Variants in DCC observed in about 807,000 individuals in gnomAD.
DCC encodes netrin receptor DCC.
Under a neutral mutation model 172.5 loss-of-function variants are expected in DCC, and 58 were observed. That is an observed-to-expected ratio of 0.34 (90% CI 0.27 to 0.42). The LOEUF (loss-of-function observed/expected upper bound fraction) is 0.42. Among genes scored for constraint, DCC ranks in the 10% least tolerant of loss-of-function variants. The pLI, the probability that DCC is intolerant of heterozygous loss-of-function variation, is 1.00. For missense variants in DCC, 1,740 were observed against 1,791.0 expected, an observed-to-expected ratio of 0.97 and a Z score of 0.51; for synonymous variants, 709 against 644.5, an observed-to-expected ratio of 1.10 and a Z score of -1.52.
intron 1 of DCC, among the ~76,000 whole-genome samples, chr18:52,469,559 A>G (rs1356714455): frequency 6.6e-6 from 1 of 152,210 alleles, no homozygotes; most frequent in Non-Finnish European, 1.5e-5. Flanking sequence ...AAAAAGAAAT[A>G]CAGTCTAATA....
intron 23 of DCC, among the ~76,000 whole-genome samples, chr18:53,452,477 G>C (rs2045426229): frequency 6.6e-6 from 1 of 152,122 alleles, no homozygotes; most frequent in African/African-American, 2.4e-5. Context: ...TCTCCACAGA[G>C]AGAACACCAG....
chr18:53,265,025 G>T (rs551465808), intron 12 of DCC, among the ~76,000 whole-genome samples: 7 of 152,256 alleles, frequency 4.6e-5, no homozygotes, highest in Admixed American at 1.3e-4. Flanking sequence ...CCCAGTATGT[G>T]CCCAGAAGTG....
At chr18:52,771,871 GA>G (rs55924643) in intron 2 of DCC, among the ~76,000 whole-genome samples, 1 of 130,970 alleles carries the variant, frequency 7.6e-6, no homozygotes, top group South Asian at 2.4e-4. Context: ...AGAAACTTGT[GA>G]AAAAAAAAAA....
At chr18:53,511,550 G>C (rs573241888) in intron 27 of DCC, among the ~76,000 whole-genome samples, 5 of 152,218 alleles carry the variant, frequency 3.3e-5, no homozygotes, top group Non-Finnish European at 5.9e-5. Context: ...CTGAGGTACC[G>C]GGTTCATCTC....
chr18:52,782,192 T>A (rs1250726863), intron 2 of DCC, among the ~76,000 whole-genome samples: 1 of 152,088 alleles, frequency 6.6e-6, no homozygotes, highest in Non-Finnish European at 1.5e-5. Flanking sequence ...AGAGAGAATA[T>A]TTTCAAAGGA....
chr18:52,817,727 T>A (rs1464594948), intron 2 of DCC, among the ~76,000 whole-genome samples: 1 of 152,178 alleles, frequency 6.6e-6, no homozygotes, highest in African/African-American at 2.4e-5. Context: ...TAACACTGCA[T>A]TTTTAGAAAA....
At chr18:53,470,265 C>A (rs1320919178) in intron 25 of DCC, among the ~76,000 whole-genome samples, 1 of 152,172 alleles carries the variant, frequency 6.6e-6, no homozygotes, top group Non-Finnish European at 1.5e-5. Flanking sequence ...CCAGTCTTTG[C>A]TAAAACATAG....
At chr18:52,668,325 TA>T (rs2035491776) in intron 1 of DCC, among the ~76,000 whole-genome samples, 1 of 152,160 alleles carries the variant, frequency 6.6e-6, no homozygotes. Flanking sequence ...TTTGGGAGAA[TA>T]AGCTAATAAG....
chr18:52,791,157 A>AT (rs2037759486), intron 2 of DCC, among the ~76,000 whole-genome samples: 2 of 152,100 alleles, frequency 1.3e-5, no homozygotes, highest in South Asian at 4.1e-4. Flanking sequence ...TGCTTTTCTA[A>AT]TTTTGGGGAA....
At chr18:52,692,215 T>C (rs2035939541) in intron 1 of DCC, among the ~76,000 whole-genome samples, 1 of 152,160 alleles carries the variant, frequency 6.6e-6, no homozygotes, top group South Asian at 2.1e-4. Context: ...AGGGTAATGC[T>C]GTTTTATTTT....
chr18:53,287,466 T>C (rs977095471), intron 12 of DCC, among the ~76,000 whole-genome samples: 6 of 152,204 alleles, frequency 3.9e-5, no homozygotes, highest in African/African-American at 1.4e-4. Context: ...TAAGTTTATA[T>C]GTAGATATAT....
At chr18:53,426,393 ATTTATGATATATATT>A (rs1028965290) in intron 21 of DCC, among the ~76,000 whole-genome samples, 6 of 140,172 alleles carry the variant, frequency 4.3e-5, no homozygotes, top group East Asian at 4.0e-4. Context: ...TATCATATAT[ATTTATGATATATATT>A]TTTATGATAT....
chr18:52,513,180 TAGAC>T (rs1009348126), intron 1 of DCC, among the ~76,000 whole-genome samples: 1 of 152,218 alleles, frequency 6.6e-6, no homozygotes, highest in African/African-American at 2.4e-5. Context: ...GGGATAGTAA[TAGAC>T]AGTTTGCTTG....
intron 12 of DCC, among the ~76,000 whole-genome samples, chr18:53,275,038 GTCAA>G (rs955117095): frequency 1.3e-5 from 2 of 152,050 alleles, no homozygotes; most frequent in Non-Finnish European, 2.9e-5. Context: ...ATTTTAAATT[GTCAA>G]TCAATGCAAA....
At chr18:52,793,021 G>C (rs1020051334) in intron 2 of DCC, among the ~76,000 whole-genome samples, 1 of 149,134 alleles carries the variant, frequency 6.7e-6, no homozygotes, top group Non-Finnish European at 1.5e-5. Flanking sequence ...AAAGGAGAGA[G>C]GAGCTCTTGT....
intron 1 of DCC, among the ~76,000 whole-genome samples, chr18:52,552,720 A>G (rs2032809834): frequency 6.6e-6 from 1 of 152,094 alleles, no homozygotes; most frequent in Non-Finnish European, 1.5e-5. Context: ...AATTGTCTTC[A>G]TTTATTTTAG....
chr18:52,655,056 G>A (rs2035219232), intron 1 of DCC, among the ~76,000 whole-genome samples: 1 of 151,144 alleles, frequency 6.6e-6, no homozygotes, highest in South Asian at 2.2e-4. Flanking sequence ...GTGGATGGTT[G>A]AAACTGCACC....
chr18:52,705,034 C>T (rs202226138), intron 1 of DCC, among the ~76,000 whole-genome samples: 40 of 152,284 alleles, frequency 2.6e-4, no homozygotes, highest in African/African-American at 9.4e-4. Flanking sequence ...ATTGTGTCTA[C>T]AGCTGCGTCT....
At chr18:52,877,125 G>A in intron 2 of DCC, among the ~76,000 whole-genome samples, 1 of 152,120 alleles carries the variant, frequency 6.6e-6, no homozygotes, top group East Asian at 1.9e-4. Flanking sequence ...CAAATGCCTT[G>A]GTGTGTATTG....
Sources: gnomAD v4.1 joint callset for allele counts (sites outside exome capture counted in the v4.1 genomes callset) on GRCh38, gnomAD v4.1.1 for gene constraint, MANE v1.5 for transcripts, NCBI Gene and HGNC (gene_info 2026-07-23, HGNC 2026-07-21) for gene names.